ATP11C: variants seen among roughly 807,000 people sequenced by gnomAD.
The protein encoded by ATP11C is phospholipid-transporting ATPase IG.
In ATP11C, 36 loss-of-function variants were observed where a neutral mutation model predicts 97.4. The ratio of observed to expected loss-of-function variants is 0.37; its 90% CI spans 0.28 to 0.49. ATP11C has a LOEUF of 0.49. Ranked by LOEUF, ATP11C falls within the 20% of genes least tolerant of loss-of-function variation. The pLI is 0.98. For missense variants in ATP11C, 730 were observed against 824.6 expected (o/e 0.89, Z 1.40); for synonymous variants, 275 against 290.9 (o/e 0.95, Z 0.56).
chrX:139,835,080 G>GA (rs1359315837), intron 1 of ATP11C, among the ~76,000 whole-genome samples: 12 of 111,978 alleles, frequency 1.1e-4, no homozygotes, highest in African/African-American at 3.6e-4. Flanking sequence ...TCCACTGGTA[G>GA]AAAAAACACA....
intron 27 of ATP11C, among the ~76,000 whole-genome samples, chrX:139,739,773 T>C (rs190642527): frequency 2.7e-5 from 3 of 111,563 alleles, no homozygotes; most frequent in East Asian, 2.8e-4. Flanking sequence ...GCTGATTACA[T>C]AGATTCATAG....
chrX:139,881,896 C>A (rs189350345), intron 1 of ATP11C, among the ~76,000 whole-genome samples: 1 of 112,297 alleles, frequency 8.9e-6, no homozygotes, highest in East Asian at 2.8e-4. Flanking sequence ...CAGGAAGACA[C>A]TCCTTTCCCC....
rs1386064480 is a variant in ATP11C at position 139,727,348 on chromosome X, C to A, written c.*1618G>T. On this transcript the variant is annotated 3_prime_UTR_variant, in exon 30 of 30. Transcript: ENST00000682941. ...TGTTTTCAGCAGCTTACCTCAAATACGGGCTACCAGAACACAGCACACTTA... is the reference window on the plus strand; with the variant it reads ...TGTTTTCAGCAGCTTACCTCAAATAAGGGCTACCAGAACACAGCACACTTA... 9.0e-6 allele frequency: 1 copy of A among 111,635 alleles called. No homozygotes were observed. The highest frequency in any genetic ancestry group is 3.3e-5 in the African/African-American group (1 of 30,663). 9.2% of individuals were successfully genotyped at this position (111,635 alleles called of 1,213,427 possible). A position where few individuals can be genotyped will look rare whatever the true frequency, so the allele number is the denominator to read the frequency against.
At chrX:139,862,440 G>C (rs2084216224) in intron 1 of ATP11C, among the ~76,000 whole-genome samples, 1 of 111,456 alleles carries the variant, frequency 9.0e-6, no homozygotes, top group South Asian at 3.8e-4. Context: ...CCCTCTACCT[G>C]TGGGATCTGA....
rs750778379 is a variant in ATP11C at position 139,741,069 on chromosome X, G to A, written c.3056C>T (p.Thr1019Met). 9 of 1,201,009 alleles carry A rather than the reference G, an allele frequency of 7.5e-6. No individual in the cohort carries two copies. The highest frequency in any genetic ancestry group is 2.2e-5 in the Admixed American group (1 of 45,387). The change falls in exon 27 of 30, where the codon ACG (threonine) becomes ATG (methionine). Residue 1019 changes from threonine to methionine, a missense_variant. Physicochemically the swap from Thr to Met is moderately conservative, Grantham distance 81. Transcript: ENST00000682941. ...CCAAATCACAAAGTGATTTATCCAC[G>A]TCCAGAATCGGGTATCCAAGGCAAG... ...LKLALDTRFW[T>M]WINHFVIWGS...
rs2083353238 is a variant in ATP11C, at chrX:139,819,328, G to C, written c.237+10C>G. 1 of 924,239 alleles carries C rather than the reference G, an allele frequency of 1.1e-6. No homozygotes were observed. The highest frequency in any genetic ancestry group is 3.4e-5 in the Admixed American group (1 of 29,798). The allele number at this position is 924,239 out of a possible 1,213,427, so 76.2% of individuals were successfully genotyped here. ...TCTAAAAGTTAAGTGGCTGTTTAAG[G>C]AGCTCTTACCTGTACAAGGAAGATT... On this transcript the variant is annotated intron_variant, in intron 3 of 29. Transcript: ENST00000682941.
intron 1 of ATP11C, among the ~76,000 whole-genome samples, chrX:139,907,426 C>CAG (rs2084997336): frequency 9.0e-6 from 1 of 111,676 alleles, no homozygotes; most frequent in Non-Finnish European, 1.9e-5. Context: ...TTGACCAACA[C>CAG]AGCCTGGAAT....
intron 1 of ATP11C, among the ~76,000 whole-genome samples, chrX:139,832,482 T>C (rs2083672119): frequency 8.9e-6 from 1 of 112,876 alleles, no homozygotes; most frequent in African/African-American, 3.2e-5. Context: ...GATTTGCCTT[T>C]GTAACTTCTG....
chrX:139,846,477 T>G (rs946596243), intron 1 of ATP11C, among the ~76,000 whole-genome samples: 2 of 112,054 alleles, frequency 1.8e-5, no homozygotes, highest in Non-Finnish European at 3.8e-5. Context: ...CAATCCATTG[T>G]GTAACTCCTA....
At position 139,920,907 on chromosome X, in the gene ATP11C, G is replaced by A. The variant is rs61535648; in HGVS notation, c.27+11109C>T. ...TGACAGCAGTAGCTTAAACTTGAAT[G>A]GTGGTAGGTGTGGGCATGAAGAAAG... On this transcript the variant is annotated intron_variant, in intron 1 of 29. Transcript: ENST00000682941. Among the ~76,000 whole-genome samples the A allele has an allele frequency of 5.6e-3, 627 of 111,798 alleles. 6 individuals carry two copies. Among genetic ancestry groups the A allele is most frequent in the African/African-American group, 0.019 (591 of 30,786 alleles).
intron 27 of ATP11C, among the ~76,000 whole-genome samples, chrX:139,739,332 A>C (rs769327837): frequency 9.4e-6 from 1 of 106,930 alleles, no homozygotes; most frequent in East Asian, 3.0e-4. Context: ...GGAGTTTTGT[A>C]GTAGGGCAGT....
intron 1 of ATP11C, among the ~76,000 whole-genome samples, chrX:139,898,068 G>T (rs1319434648): frequency 9.0e-6 from 1 of 111,696 alleles, no homozygotes; most frequent in African/African-American, 3.3e-5. Flanking sequence ...ACTATCACTT[G>T]CTGTAATTCC....
chrX:139,840,711 T>C (rs780916003), intron 1 of ATP11C, among the ~76,000 whole-genome samples: 1 of 112,119 alleles, frequency 8.9e-6, no homozygotes, highest in South Asian at 3.7e-4. Flanking sequence ...AACATTCAAA[T>C]CAGCCAGTCA....
At chrX:139,788,698 T>G (rs757056288) in intron 13 of ATP11C, among the ~76,000 whole-genome samples, 17 of 111,608 alleles carry the variant, frequency 1.5e-4, no homozygotes, top group Non-Finnish European at 2.6e-4. Context: ...ATTTAATGCC[T>G]AGACACTCCT....
intron 1 of ATP11C, among the ~76,000 whole-genome samples, chrX:139,842,578 G>C (rs929281712): frequency 8.9e-6 from 1 of 112,556 alleles, no homozygotes; most frequent in Admixed American, 9.4e-5. Flanking sequence ...TAGGACATAA[G>C]TGAAGGAAGT....
At chrX:139,835,462 T>C (rs1337905497) in intron 1 of ATP11C, among the ~76,000 whole-genome samples, 2 of 110,803 alleles carry the variant, frequency 1.8e-5, no homozygotes, top group African/African-American at 6.6e-5. Context: ...TGGACTGCAA[T>C]GGTGTGATCT....
chrX:139,931,897 GGGT>G, intron 1 of ATP11C, 116 bp downstream of exon 1: 1 of 876,979 alleles, frequency 1.1e-6, no homozygotes, highest in Non-Finnish European at 1.5e-6. Flanking sequence ...GGAAGAAGAG[GGGT>G]GGTGGTGTCT....
chrX:139,809,535 A>C (rs185191792), intron 5 of ATP11C, among the ~76,000 whole-genome samples: 94 of 112,324 alleles, frequency 8.4e-4, no homozygotes, highest in African/African-American at 2.7e-3. Flanking sequence ...GAGAAATGGG[A>C]AGTTACTGTT....
intron 1 of ATP11C, among the ~76,000 whole-genome samples, chrX:139,831,494 A>G (rs1237324691): frequency 1.8e-5 from 2 of 111,473 alleles, no homozygotes; most frequent in East Asian, 2.8e-4. Flanking sequence ...TGGACCTTTC[A>G]TTATCTCAAA....
Sources: gnomAD v4.1 joint callset for allele counts (sites outside exome capture counted in the v4.1 genomes callset) on GRCh38, gnomAD v4.1.1 for gene constraint, MANE v1.5 for transcripts, NCBI Gene and HGNC (gene_info 2026-07-23, HGNC 2026-07-21) for gene names.